Variants in INO80C observed in about 807,000 individuals in gnomAD.
INO80C encodes the protein IES6 homolog.
INO80C carries 17 observed loss-of-function variants against 17.7 expected under a neutral mutation model. That is an observed-to-expected ratio of 0.96 (90% CI 0.66 to 1.44). INO80C has a LOEUF of 1.44. INO80C is among the 40% of genes most tolerant of loss of function. The pLI is 0.00. For synonymous variants in INO80C, 96 were observed against 95.8 expected (o/e 1.00, Z -0.01); for missense variants, 244 against 245.0 (o/e 1.00, Z 0.03).
In INO80C at chr18:35,480,436, A is replaced by C. The variant is rs1368190299; in HGVS notation, c.267+17T>G. The C allele has an allele frequency of 2.6e-6, 4 of 1,550,066 alleles. No individual in the cohort carries two copies. In the Admixed American group the frequency reaches 6.7e-5, roughly 26 times the overall value. ...TGGCATTTGGATGTTTATTCAGCTA[A>C]TACCTTCGATGCTTACCACAAAGTT... On this transcript the variant is annotated intron_variant, in intron 2 of 4. Transcript: ENST00000334598.
intron 1 of INO80C, 40 bp downstream of exon 1, chr18:35,497,679 T>C: frequency 6.3e-7 from 1 of 1,591,370 alleles, no homozygotes; most frequent in Non-Finnish European, 8.6e-7. Flanking sequence ...AAGTCCCGTT[T>C]CGCGACGCGC....
intron 1 of INO80C, 137 bp downstream of exon 1, chr18:35,497,582 C>T: frequency 3.5e-6 from 5 of 1,427,232 alleles, no homozygotes; most frequent in East Asian, 2.7e-5. Context: ...TCATTCACTC[C>T]GCGGGGCAGC....
intron 1 of INO80C, among the ~76,000 whole-genome samples, chr18:35,488,250 G>A (rs2045897309): frequency 6.6e-6 from 1 of 152,226 alleles, no homozygotes; most frequent in Non-Finnish European, 1.5e-5. Context: ...GACTCTGTTT[G>A]GGGGATTCAA....
intron 2 of INO80C, 111 bp downstream of exon 2, chr18:35,480,340 CTG>C (rs2045791866): frequency 1.3e-6 from 1 of 749,100 alleles, no homozygotes; most frequent in South Asian, 1.5e-5. Flanking sequence ...AAGGAGGTAA[CTG>C]AGACTGAGGG....
chr18:35,479,213 T>A (rs954550172), intron 3 of INO80C, 87 bp downstream of exon 3: 12 of 828,812 alleles, frequency 1.4e-5, no homozygotes, highest in Non-Finnish European at 2.4e-5. Flanking sequence ...CCTACAATGA[T>A]GCAAACACAA....
chr18:35,474,426 A>G (rs2045710372), intron 4 of INO80C, among the ~76,000 whole-genome samples: 1 of 151,660 alleles, frequency 6.6e-6, no homozygotes, highest in South Asian at 2.1e-4. Flanking sequence ...GGTGGCTCAC[A>G]TTGGTAATCC....
chr18:35,474,207 C>CTATATATATA (rs58465669), intron 4 of INO80C, among the ~76,000 whole-genome samples: 2,536 of 57,916 alleles, frequency 0.044, 318 homozygotes, highest in Non-Finnish European at 0.048. Flanking sequence ...GTGTGTGTGT[C>CTATATATATA]TATATATATA....
At position 35,468,662 on chromosome 18, in the gene INO80C, G is replaced by A. The variant is rs138414094; in HGVS notation, c.528C>T (p.Asp176=). ...TCAGGGCCAGGTAGCCGGTGACGAC[G>A]TCAGAGGGCAGCCTCCGAATGTAGG... The part of the protein sequence containing the change: ...EFSYIRRLPS[D]VVTGYLALRK... Residue 176 remains aspartate (D), a synonymous_variant, in exon 5 of 5, where the codon GAC becomes GAT. Transcript: ENST00000334598. The A allele has an allele frequency of 1.8e-4, 286 of 1,614,068 alleles. No individual in the cohort carries two copies. In the African/African-American group the frequency reaches 2.9e-3, roughly 17 times the overall value.
chr18:35,491,344 C>G (rs1485535013), intron 1 of INO80C, among the ~76,000 whole-genome samples: 1 of 152,106 alleles, frequency 6.6e-6, no homozygotes, highest in East Asian at 1.9e-4. Flanking sequence ...AGAGAAGAGT[C>G]AAGAAGAGGA....
Position 35,491,501 on chromosome 18 carries a change from C to T in INO80C, c.156+6218G>A, listed in dbSNP as rs993845556. Among the ~76,000 whole-genome samples, 4 of 152,280 alleles carry T rather than the reference C, an allele frequency of 2.6e-5. 1 individual carries two copies. The highest frequency in any genetic ancestry group is 3.4e-3 in the Middle Eastern group (1 of 294). The stretch of plus-strand genomic sequence containing the variant: ...CACCCTGGAGTGAACTGAGCCACAT[C>T]ATACCAGTGCTGCCTCCTGCTTCTG... On this transcript the variant is annotated intron_variant, in intron 1 of 4. Coordinates refer to ENST00000334598, the MANE Select transcript of INO80C (RefSeq NM_194281.4).
chr18:35,496,440 T>C (rs1224029331), intron 1 of INO80C, among the ~76,000 whole-genome samples: 1 of 152,158 alleles, frequency 6.6e-6, no homozygotes, highest in African/African-American at 2.4e-5. Flanking sequence ...AGTGGGTAAC[T>C]GTTAGGAAGG....
At position 35,497,856 on chromosome 18, in the gene INO80C, T is replaced by C. The variant is rs375954359; in HGVS notation, c.19A>G (p.Ile7Val). 26 of 1,580,372 alleles carry C rather than the reference T, an allele frequency of 1.6e-5. No homozygotes were observed. The highest frequency in any genetic ancestry group is 3.6e-5 in the Admixed American group (2 of 56,218). ...CCGGGAGTGGAAGTGGTGGCCACAA[T>C]TGGAATTTGCGCCGCCATCGCACTC... Reference protein sequence around the residue: MAAQIPIVATTSTPGIV... With the variant: MAAQIPVVATTSTPGIV... The change falls in exon 1 of 5, where the codon ATT (isoleucine) becomes GTT (valine). Residue 7 changes from isoleucine (I) to valine (V), a missense_variant. Transcript: ENST00000334598.
Position 35,497,761 on chromosome 18 carries a change from G to T in INO80C, c.114C>A (p.Gly38=), listed in dbSNP as rs1477420066. The part of the protein sequence containing the change: ...SHNGSSGGGY[G]ASKKKKASAS... ...CGGACGCTTTTTTCTTCTTACTGGC[G>T]CCATAGCCCCCGCCGCTGCTGCCAT... Residue 38 remains glycine, a synonymous_variant, in exon 1 of 5, where the codon GGC becomes GGA. Coordinates refer to ENST00000334598, the MANE Select transcript of INO80C (RefSeq NM_194281.4). The T allele has an allele frequency of 4.3e-6, 7 of 1,612,452 alleles. No homozygotes were observed. The highest frequency in any genetic ancestry group is 5.9e-6 in the Non-Finnish European group (7 of 1,179,338).
intron 3 of INO80C, 165 bp downstream of exon 3, chr18:35,479,135 A>G: frequency 1.7e-6 from 1 of 574,438 alleles, no homozygotes; most frequent in Non-Finnish European, 3.1e-6. Flanking sequence ...AGATACAGTT[A>G]TGAGAAAATA....
At chr18:35,483,439 T>C (rs1485343787) in intron 1 of INO80C, 3 of 152,220 alleles carry the variant, frequency 2.0e-5, no homozygotes, top group African/African-American at 7.2e-5. Context: ...AGCAGCTTTA[T>C]GATACACGCA....
chr18:35,485,247 G>A (rs1034247914), intron 1 of INO80C, among the ~76,000 whole-genome samples: 4 of 152,134 alleles, frequency 2.6e-5, no homozygotes, highest in African/African-American at 9.7e-5. Context: ...AATGATAGGG[G>A]CAAACTAAAG....
chr18:35,478,369 A>G lies in INO80C; in HGVS notation c.380-20T>C, dbSNP rs1331066176. Reference sequence around the variant, plus strand: ...TGAAGTCTGGGAAAAAAAAAAAAAAAAGATAACTAAACTGAACTGAAAACA... The same window carrying G: ...TGAAGTCTGGGAAAAAAAAAAAAAAGAGATAACTAAACTGAACTGAAAACA... On this transcript the variant is annotated intron_variant, in intron 3 of 4. Coordinates refer to ENST00000334598, the MANE Select transcript of INO80C (RefSeq NM_194281.4). 1.3e-6 allele frequency: 2 copies of G among 1,517,794 alleles called. No individual in the cohort carries two copies. Among genetic ancestry groups the G allele is most frequent in the East Asian group, 2.3e-5 (1 of 44,228 alleles). 94.0% of individuals were successfully genotyped at this position (1,517,794 alleles called of 1,614,324 possible). A position where few individuals can be genotyped will look rare whatever the true frequency, so the allele number is the denominator to read the frequency against.
At chr18:35,474,001 T>C (rs2045700983) in intron 4 of INO80C, among the ~76,000 whole-genome samples, 1 of 151,588 alleles carries the variant, frequency 6.6e-6, no homozygotes, top group African/African-American at 2.4e-5. Context: ...TAATGTCCAG[T>C]ACACAATCAA....
intron 1 of INO80C, among the ~76,000 whole-genome samples, chr18:35,486,818 T>C (rs529985937): frequency 5.5e-5 from 7 of 128,004 alleles, no homozygotes; most frequent in South Asian, 2.5e-4. Flanking sequence ...AAAATTTTAA[T>C]AGGAAAAAAA....
Sources: allele counts gnomAD v4.1 joint callset (sites outside exome capture counted in the v4.1 genomes callset), GRCh38; gene constraint gnomAD v4.1.1; transcripts MANE v1.5; gene names NCBI Gene and HGNC (gene_info 2026-07-23, HGNC 2026-07-21).